The following MFNG variants were observed in gnomAD, a reference collection of about 807,000 sequenced individuals.
The protein encoded by MFNG is beta-1,3-N-acetylglucosaminyltransferase manic fringe.
In MFNG, 24 loss-of-function variants were observed where a neutral mutation model predicts 34.2. The ratio of observed to expected loss-of-function variants is 0.70; its 90% CI spans 0.51 to 0.99. The LOEUF is 0.99. Among genes scored for constraint, MFNG ranks in the 50% least tolerant of loss-of-function variants. The probability of loss-of-function intolerance (pLI) is 0.00; values close to 1 mark genes in which losing one functional copy is unlikely to be tolerated. For synonymous variants in MFNG, 158 were observed against 179.2 expected (o/e 0.88, Z 0.94); for missense variants, 383 against 424.0 (o/e 0.90, Z 0.85).
rs1404299244 is a variant in MFNG at position 37,480,779 on chromosome 22, A to G, written c.256-10T>C. ...CGGTGAAGACAAATGTCTAGGAAGG[A>G]GAAGAAGGGGTCAGGACTCACATCG... On this transcript the variant is annotated splice_polypyrimidine_tract_variant and intron_variant, in intron 1 of 7. Transcript: ENST00000356998. 2 of 1,613,000 alleles carry G rather than the reference A, an allele frequency of 1.2e-6. No homozygotes were observed. The highest frequency in any genetic ancestry group is 1.7e-6 in the Non-Finnish European group (2 of 1,179,558).
rs139606481 is a variant in MFNG, at chr22:37,469,968, G to T, written c.961C>A (p.Arg321=). 1 of 1,605,844 alleles carries T rather than the reference G, an allele frequency of 6.2e-7. No homozygotes were observed. Among genetic ancestry groups the T allele is most frequent in the Non-Finnish European group, 8.5e-7 (1 of 1,175,694 alleles). The change falls in exon 8 of 8, where the codon CGA becomes AGA. Residue 321 remains arginine, a synonymous_variant. Transcript: ENST00000356998. Reference sequence around the variant, plus strand: ...TTTGCCCAGCAGTTCAGGATTCATCGGGCACCCAGCTGGGGACACCAGGGT... The same window carrying T: ...TTTGCCCAGCAGTTCAGGATTCATCTGGCACCCAGCTGGGGACACCAGGGT... ...DTPWCPQLGA[R] is the part of the protein sequence containing the mutation.
chr22:37,476,897 T>C lies in MFNG; in HGVS notation c.646A>G (p.Ser216Gly). The C allele has an allele frequency of 7.4e-7, 1 of 1,355,736 alleles. No homozygotes were observed. Among genetic ancestry groups the C allele is most frequent in the East Asian group, 3.4e-5 (1 of 28,990 alleles). 84.0% of individuals were successfully genotyped at this position (1,355,736 alleles called of 1,614,324 possible). ...KLALKMAPWA[S>G]GSRFMDTSAL... ...GCCCACCCCTGGGTCTCTGCTTACC[T>C]GGCCCACGGAGCCATCTTCAAAGCC... The change falls in exon 5 of 8, where the codon AGT becomes GGT. Residue 216 changes from serine (S) to glycine (G), a missense_variant and splice_region_variant. By Grantham distance (56) the Ser-to-Gly change is moderately conservative (BLOSUM62 0). Transcript: ENST00000356998.
Position 37,474,670 on chromosome 22 carries a change from G to A in MFNG, c.655C>T (p.Arg219Cys), listed in dbSNP as rs757491783. The change falls in exon 6 of 8, where the codon CGT (arginine) becomes TGT (cysteine). Residue 219 changes from arginine to cysteine, a missense_variant. Transcript: ENST00000356998. ...ATGAGAGCAGATGTGTCCATGAAAC[G>A]GGAGCCACTGAGGGACAGAGCCAGA... ...LKMAPWASGS[R>C]FMDTSALIRL... The A allele has an allele frequency of 1.7e-5, 27 of 1,600,216 alleles. No homozygotes were observed. The highest frequency in any genetic ancestry group is 3.4e-5 in the South Asian group (3 of 89,466).
intron 6 of MFNG, 97 bp from the exon 7 acceptor site, chr22:37,472,625 AG>A: frequency 8.3e-7 from 1 of 1,203,450 alleles, no homozygotes; most frequent in Admixed American, 2.6e-5. Flanking sequence ...TTTAAGCTGC[AG>A]GGAAAGCTGC....
At position 37,469,781 on chromosome 22, in the gene MFNG, C is replaced by G; in HGVS notation, c.*182G>C. On this transcript the variant is annotated 3_prime_UTR_variant, in exon 8 of 8. Coordinates refer to ENST00000356998, the MANE Select transcript of MFNG (RefSeq NM_002405.4). The stretch of plus-strand genomic sequence containing the variant: ...TGGTCCCCTGGGCTGTCTAACTCAC[C>G]TCCCAGGGGCCTGGGGTGCCTTCAG... The G allele has an allele frequency of 1.4e-6, 1 of 702,928 alleles. No individual in the cohort carries two copies. The highest frequency in any genetic ancestry group is 2.7e-6 in the Non-Finnish European group (1 of 376,910). 43.5% of individuals were successfully genotyped at this position (702,928 alleles called of 1,614,324 possible). A position where few individuals can be genotyped will look rare whatever the true frequency, so the allele number is the denominator to read the frequency against.
At position 37,485,837 on chromosome 22, in the gene MFNG, TC is replaced by T. The variant is rs1922522943; in HGVS notation, c.255+85del. 1 of 1,472,076 alleles carries T rather than the reference TC, an allele frequency of 6.8e-7. No individual in the cohort carries two copies. Among genetic ancestry groups the T allele is most frequent in the Non-Finnish European group, 9.1e-7 (1 of 1,096,412 alleles). 91.2% of individuals were successfully genotyped at this position (1,472,076 alleles called of 1,614,324 possible). A position where few individuals can be genotyped will look rare whatever the true frequency, so the allele number is the denominator to read the frequency against. The stretch of plus-strand genomic sequence containing the variant: ...TTGAGCAGCTTCTCCCATGAGGCAG[TC>T]AGGGACCCCAGCCCAGTAGAAAGGC... On this transcript the variant is annotated intron_variant, in intron 1 of 7. Coordinates refer to ENST00000356998, the MANE Select transcript of MFNG (RefSeq NM_002405.4). The surrounding 1 kb of genome is among the most constrained non-coding windows in gnomAD (Gnocchi z 5.3).
intron 3 of MFNG, 129 bp downstream of exon 3, chr22:37,480,068 C>T: frequency 1.5e-6 from 1 of 665,270 alleles, no homozygotes; most frequent in Non-Finnish European, 2.5e-6. Flanking sequence ...TGGAACCCAG[C>T]TGGACTTCCC....
intron 5 of MFNG, among the ~76,000 whole-genome samples, chr22:37,476,531 C>A (rs956409818): frequency 3.9e-5 from 6 of 152,212 alleles, no homozygotes; most frequent in African/African-American, 1.2e-4. Flanking sequence ...TCCCCTACGG[C>A]ATTGACCAGT....
At chr22:37,470,620 T>C (rs939545875) in intron 7 of MFNG, among the ~76,000 whole-genome samples, 2 of 152,226 alleles carry the variant, frequency 1.3e-5, no homozygotes, top group Admixed American at 1.3e-4. Flanking sequence ...CCAAATTCTA[T>C]CTCCTTGTAA....
intron 7 of MFNG, among the ~76,000 whole-genome samples, chr22:37,472,171 T>C (rs765937941): frequency 7.2e-5 from 11 of 152,258 alleles, no homozygotes; most frequent in East Asian, 3.9e-4. Context: ...CCCCAGAGGA[T>C]TGGGGCTGGG....
chr22:37,469,701 A>G lies in MFNG; in HGVS notation c.*262T>C, dbSNP rs543393412. On this transcript the variant is annotated 3_prime_UTR_variant, in exon 8 of 8. Transcript: ENST00000356998. ...AGTGCCCCCTGCCCTTTTTCAATTCAGCCTCCTGAGGGAGTCTAGCCCCTG... is the reference window on the plus strand; with the variant it reads ...AGTGCCCCCTGCCCTTTTTCAATTCGGCCTCCTGAGGGAGTCTAGCCCCTG... 156 of 568,252 alleles carry G rather than the reference A, an allele frequency of 2.7e-4. No homozygotes were observed. The highest frequency in any genetic ancestry group is 4.5e-4 in the Non-Finnish European group (138 of 304,852). 35.2% of individuals were successfully genotyped at this position (568,252 alleles called of 1,614,324 possible). A position where few individuals can be genotyped will look rare whatever the true frequency, so the allele number is the denominator to read the frequency against.
intron 1 of MFNG, chr22:37,484,321 C>G (rs895836461): frequency 2.8e-5 from 4 of 144,834 alleles, no homozygotes; most frequent in Middle Eastern, 3.7e-3. Context: ...ACACTCCTGC[C>G]CCGTGCAGAT....
rs1922072796 is a variant in MFNG, at chr22:37,476,983, TGA to T, written c.562-4_562-3del. 2 of 1,613,932 alleles carry T rather than the reference TGA, an allele frequency of 1.2e-6. No homozygotes were observed. Among genetic ancestry groups the T allele is most frequent in the South Asian group, 2.2e-5 (2 of 91,072 alleles). On this transcript the variant is annotated splice_polypyrimidine_tract_variant and splice_region_variant and intron_variant, in intron 4 of 7. Coordinates refer to ENST00000356998, the MANE Select transcript of MFNG (RefSeq NM_002405.4). ...GGCAAACCAGAACTGTACCAGCCTCTGAGAGAGAGGAAGGCCAAGGGGCAGAG... is the reference window on the plus strand; with the variant it reads ...GGCAAACCAGAACTGTACCAGCCTCTGAGAGAGGAAGGCCAAGGGGCAGAG...
At chr22:37,484,521 C>A (rs1311871062) in intron 1 of MFNG, 3 of 152,430 alleles carry the variant, frequency 2.0e-5, no homozygotes, top group Non-Finnish European at 2.9e-5. Flanking sequence ...GGCTCTGTCC[C>A]CTCAGGCCTT....
At chr22:37,481,957 C>A (rs1435017838) in intron 1 of MFNG, among the ~76,000 whole-genome samples, 1 of 152,226 alleles carries the variant, frequency 6.6e-6, no homozygotes, top group Non-Finnish European at 1.5e-5. Context: ...TACCCATCTA[C>A]AAAAGGGGGA....
Position 37,469,948 on chromosome 22 carries a change from C to T in MFNG, c.*15G>A, listed in dbSNP as rs780952028. 6.9e-6 allele frequency: 11 copies of T among 1,593,534 alleles called. No individual in the cohort carries two copies. The highest frequency in any genetic ancestry group is 1.3e-5 in the African/African-American group (1 of 74,370). On this transcript the variant is annotated 3_prime_UTR_variant, in exon 8 of 8. Transcript: ENST00000356998. ...CCAGAAGTCTCTGCCCAACCTTTGC[C>T]CAGCAGTTCAGGATTCATCGGGCAC...
chr22:37,482,570 C>G lies in MFNG; in HGVS notation c.256-1801G>C, dbSNP rs1922349268. On this transcript the variant is annotated intron_variant, in intron 1 of 7. Transcript: ENST00000356998. The surrounding 1 kb of genome is among the most constrained non-coding windows in gnomAD (Gnocchi z 4.1). ...CTCAGGCATCACCTTCCCCAGGAAG[C>G]CTTCCCTGACACCCCTCCAGCTACT... 6.6e-6 allele frequency among the ~76,000 whole-genome samples: 1 copy of G among 152,168 alleles called. No homozygotes were observed. The highest frequency in any genetic ancestry group is 1.5e-5 in the Non-Finnish European group (1 of 68,024).
At chr22:37,484,543 C>G (rs1411418911) in intron 1 of MFNG, 1 of 152,118 alleles carries the variant, frequency 6.6e-6, no homozygotes, top group African/African-American at 2.4e-5. Context: ...TGCGTGACAC[C>G]ACGCCAGCCA....
chr22:37,477,450 CTT>C (rs1013684096), intron 4 of MFNG, among the ~76,000 whole-genome samples: 1 of 146,404 alleles, frequency 6.8e-6, no homozygotes, highest in Non-Finnish European at 1.5e-5. Context: ...ATCACTAACA[CTT>C]TTTTTTTTTT....
Sources: gnomAD v4.1 joint callset for allele counts (sites outside exome capture counted in the v4.1 genomes callset) on GRCh38, gnomAD v4.1.1 for gene constraint, Gnocchi (gnomAD v3.1) non-coding constraint, MANE v1.5 for transcripts, NCBI Gene and HGNC (gene_info 2026-07-23, HGNC 2026-07-21) for gene names.